NCAM1: variants seen among roughly 807,000 people sequenced by gnomAD.
NCAM1 encodes neural cell adhesion molecule 1.
Under a neutral mutation model 109.8 loss-of-function variants are expected in NCAM1, and 14 were observed. The observed-to-expected ratio is 0.13, with a 90% CI of 0.08 to 0.20. NCAM1 has a LOEUF of 0.20. NCAM1 is among the 10% of genes least tolerant of loss of function. The pLI, the probability that NCAM1 is intolerant of heterozygous loss-of-function variation, is 1.00. For missense variants in NCAM1, 774 were observed against 1,109.9 expected, an observed-to-expected ratio of 0.70 and a Z score of 4.30; for synonymous variants, 418 against 442.9, an observed-to-expected ratio of 0.94 and a Z score of 0.70.
intron 1 of NCAM1, among the ~76,000 whole-genome samples, chr11:113,075,061 T>C (rs538116328): frequency 6.6e-6 from 1 of 152,246 alleles, no homozygotes; most frequent in South Asian, 2.1e-4. Context: ...CTCTGTGTTG[T>C]TGTTGTTGTT....
intron 15 of NCAM1, among the ~76,000 whole-genome samples, chr11:113,251,075 A>G (rs1945665239): frequency 6.6e-6 from 1 of 152,234 alleles, no homozygotes; most frequent in Non-Finnish European, 1.5e-5. Context: ...TGCTGGGATT[A>G]CAGGCGTGAG....
At chr11:113,145,032 C>T (rs956587516) in intron 1 of NCAM1, among the ~76,000 whole-genome samples, 1 of 152,158 alleles carries the variant, frequency 6.6e-6, no homozygotes, top group Admixed American at 6.5e-5. Flanking sequence ...TACCTCATAA[C>T]CTGAGAAAGA....
intron 1 of NCAM1, chr11:113,197,200 T>C: frequency 3.7e-6 from 1 of 269,590 alleles, no homozygotes; most frequent in Non-Finnish European, 8.0e-6. Context: ...GGAATTACAA[T>C]TCGTGATGAG....
At position 113,217,116 on chromosome 11, in the gene NCAM1, T is replaced by A. The variant is rs540294163; in HGVS notation, c.1059+2605T>A. Among the ~76,000 whole-genome samples, 106 of 152,324 alleles carry A rather than the reference T, an allele frequency of 7.0e-4. 1 individual carries two copies. In the South Asian group the frequency reaches 0.02, roughly 29 times the overall value. ...GTAAAGAATCCTCCTGAGATTTAGA[T>A]CACATAAAATGCTAAAATCATAGAT... is the stretch of plus-strand genomic sequence containing the variant. On this transcript the variant is annotated intron_variant, in intron 8 of 19. Coordinates refer to ENST00000316851, the MANE Select transcript of NCAM1 (RefSeq NM_181351.5).
intron 1 of NCAM1, among the ~76,000 whole-genome samples, chr11:113,025,523 G>A (rs1488927085): frequency 6.6e-6 from 1 of 152,068 alleles, no homozygotes; most frequent in Non-Finnish European, 1.5e-5. Flanking sequence ...ATGAATGAAT[G>A]AATAAGATGT....
chr11:113,093,247 C>G (rs1002775969), intron 1 of NCAM1, among the ~76,000 whole-genome samples: 1 of 152,156 alleles, frequency 6.6e-6, no homozygotes, highest in African/African-American at 2.4e-5. Context: ...GTCAAGCAGC[C>G]AGCATGGAGC....
intron 1 of NCAM1, among the ~76,000 whole-genome samples, chr11:112,986,564 TTTAA>T (rs1329260938): frequency 1.3e-5 from 2 of 152,056 alleles, no homozygotes; most frequent in African/African-American, 4.8e-5. Context: ...ATAGGAGATC[TTTAA>T]TTACTGATTT....
chr11:113,144,773 A>T (rs538117257), intron 1 of NCAM1, among the ~76,000 whole-genome samples: 1 of 152,240 alleles, frequency 6.6e-6, no homozygotes, highest in African/African-American at 2.4e-5. Flanking sequence ...AATACAGTAC[A>T]TGTGTCAAAG....
rs1951228248 is a variant in NCAM1 at position 112,984,076 on chromosome 11, CTGG to C, written c.52+22414_52+22416del. ...ATTAGCTCCTCTCCTGACTCCTGCC[CTGG>C]TAACCACCATTCTACTCTGTTTCTA... On this transcript the variant is annotated intron_variant, in intron 1 of 19. Transcript: ENST00000316851. 2.0e-5 allele frequency among the ~76,000 whole-genome samples: 3 copies of C among 151,934 alleles called. No individual in the cohort carries two copies. The South Asian group carries it at 6.2e-4, about 31-fold the overall frequency.
intron 1 of NCAM1, among the ~76,000 whole-genome samples, chr11:113,200,331 A>T (rs1591410457): frequency 6.6e-6 from 1 of 152,184 alleles, no homozygotes; most frequent in South Asian, 2.1e-4. Context: ...TGGCCTTAGC[A>T]TGGATAGCAC....
intron 15 of NCAM1, among the ~76,000 whole-genome samples, chr11:113,248,581 A>G (rs1251699091): frequency 6.6e-6 from 1 of 152,150 alleles, no homozygotes; most frequent in African/African-American, 2.4e-5. Context: ...TTCTGCTGTC[A>G]GTGGGTTGTA....
chr11:113,261,243 G>A (rs1023152178), intron 17 of NCAM1, among the ~76,000 whole-genome samples: 48 of 152,094 alleles, frequency 3.2e-4, no homozygotes, highest in African/African-American at 1.1e-3. Context: ...TGGCTCGGTG[G>A]TCATGATTCC....
At chr11:113,061,456 T>C (rs1555083439) in intron 1 of NCAM1, among the ~76,000 whole-genome samples, 1 of 152,188 alleles carries the variant, frequency 6.6e-6, no homozygotes, top group East Asian at 1.9e-4. Context: ...ATGGAAGTGG[T>C]ATACCAAATA....
At chr11:113,190,118 G>C (rs539475655) in intron 1 of NCAM1, among the ~76,000 whole-genome samples, 72 of 152,092 alleles carry the variant, frequency 4.7e-4, no homozygotes, top group Non-Finnish European at 7.5e-4. Flanking sequence ...CTAAATCTTT[G>C]ATTTATTATA....
At chr11:113,152,794 C>A (rs1942269069) in intron 1 of NCAM1, among the ~76,000 whole-genome samples, 1 of 152,146 alleles carries the variant, frequency 6.6e-6, no homozygotes. Flanking sequence ...ATATTTGGCA[C>A]CATAGGCAGA....
Position 113,083,089 on chromosome 11 carries a change from A to G in NCAM1, c.53-119290A>G, listed in dbSNP as rs143143764. 1.4e-4 allele frequency among the ~76,000 whole-genome samples: 21 copies of G among 151,558 alleles called. No homozygotes were observed. The South Asian group carries it at 1.9e-3, about 14-fold the overall frequency. The stretch of plus-strand genomic sequence containing the variant: ...TTTCTTGAGGGAAGACAAATTCCAT[A>G]GGGCAAATTGTTAGACCAGTTATTT... On this transcript the variant is annotated intron_variant, in intron 1 of 19. Coordinates refer to ENST00000316851, the MANE Select transcript of NCAM1 (RefSeq NM_181351.5).
intron 14 of NCAM1, among the ~76,000 whole-genome samples, chr11:113,237,185 G>A (rs11214548): frequency 6.6e-6 from 1 of 152,122 alleles, no homozygotes; most frequent in Non-Finnish European, 1.5e-5. Context: ...TTAGCCTGCA[G>A]AAATGCCCCT....
intron 1 of NCAM1, among the ~76,000 whole-genome samples, chr11:113,000,815 T>TAC (rs1211703075): frequency 1.2e-3 from 65 of 52,502 alleles, no homozygotes; most frequent in African/African-American, 6.7e-3. Flanking sequence ...GAATTATATA[T>TAC]ACATATATAT....
At chr11:113,192,433 G>A (rs1555110048) in intron 1 of NCAM1, among the ~76,000 whole-genome samples, 1 of 152,118 alleles carries the variant, frequency 6.6e-6, no homozygotes, top group East Asian at 1.9e-4. Context: ...AAGGTGGCCT[G>A]AAAAGGGAGC....
Sources: allele counts gnomAD v4.1 joint callset (sites outside exome capture counted in the v4.1 genomes callset), GRCh38; gene constraint gnomAD v4.1.1; transcripts MANE v1.5; gene names NCBI Gene and HGNC (gene_info 2026-07-23, HGNC 2026-07-21).